Variants in SAMD5 observed in about 807,000 individuals in gnomAD.
SAMD5 encodes the protein sterile alpha motif domain-containing protein 5.
SAMD5 carries 13 observed loss-of-function variants against 11.3 expected under a neutral mutation model. That is an observed-to-expected ratio of 1.15 (90% CI 0.75 to 1.83). SAMD5 has a LOEUF of 1.83. Among genes scored for constraint, SAMD5 ranks in the 40% most tolerant of loss-of-function variants. SAMD5 has a pLI of 0.00. For missense variants in SAMD5, 255 were observed against 239.1 expected, an observed-to-expected ratio of 1.07 and a Z score of -0.44; for synonymous variants, 129 against 111.3, an observed-to-expected ratio of 1.16 and a Z score of -1.00.
intron 1 of SAMD5, among the ~76,000 whole-genome samples, chr6:147,633,028 C>A (rs1050805379): frequency 6.6e-6 from 1 of 152,152 alleles, no homozygotes; most frequent in African/African-American, 2.4e-5. Flanking sequence ...CTTGGTCAGT[C>A]AGTGTTAAGA....
the SAMD5 span, among the ~76,000 whole-genome samples, chr6:147,926,342 C>T: frequency 1.3e-5 from 2 of 152,156 alleles, no homozygotes; most frequent in Non-Finnish European, 2.9e-5. Flanking sequence ...ACCTCACCAG[C>T]ATCTGTTATT....
the SAMD5 span, among the ~76,000 whole-genome samples, chr6:147,927,352 G>C: frequency 1.3e-4 from 20 of 152,146 alleles, no homozygotes; most frequent in Non-Finnish European, 1.8e-4. Flanking sequence ...GCAGTGTTTT[G>C]TAATTCTCAT....
At chr6:147,703,062 T>G (rs963031966) in intron 1 of SAMD5, among the ~76,000 whole-genome samples, 1 of 152,074 alleles carries the variant, frequency 6.6e-6, no homozygotes, top group Non-Finnish European at 1.5e-5. Context: ...TTATACTTCG[T>G]TTTTTTGTTT....
chr6:147,864,558 G>A, the SAMD5 span, among the ~76,000 whole-genome samples: 1,018 of 152,304 alleles, frequency 6.7e-3, 9 homozygotes, highest in Non-Finnish European at 0.012. Flanking sequence ...TAGATGCCAG[G>A]AAGGAAAAGA....
chr6:147,859,514 C>G, the SAMD5 span, among the ~76,000 whole-genome samples: 1 of 152,112 alleles, frequency 6.6e-6, no homozygotes, highest in African/African-American at 2.4e-5. Flanking sequence ...GTTGGCTTTC[C>G]TTTATAAGTT....
chr6:147,929,157 T>G, the SAMD5 span, among the ~76,000 whole-genome samples: 2 of 152,320 alleles, frequency 1.3e-5, no homozygotes, highest in African/African-American at 4.8e-5. Flanking sequence ...CCAAAATACT[T>G]ACTTTGCCCA....
At position 147,508,893 on chromosome 6, in the gene SAMD5, G is replaced by A. The variant is rs1450579862; in HGVS notation, c.-36G>A. On this transcript the variant is annotated 5_prime_UTR_variant, in exon 1 of 2. Coordinates refer to ENST00000367474, the MANE Select transcript of SAMD5 (RefSeq NM_001030060.3). ...GTGCCGCCCGTGCCATTTGGGCGCT[G>A]GGAAGGTGCTCGGCGGCGGGGTTCC... 3.2e-6 allele frequency: 5 copies of A among 1,583,534 alleles called. No homozygotes were observed. In the African/African-American group the frequency reaches 5.5e-5, roughly 17 times the overall value.
chr6:147,580,592 G>T (rs2128446166), intron 1 of SAMD5, among the ~76,000 whole-genome samples: 2 of 152,354 alleles, frequency 1.3e-5, no homozygotes, highest in East Asian at 3.9e-4. Flanking sequence ...CGCTGAGCAT[G>T]TGCAATGTAG....
chr6:147,568,186 A>G lies in SAMD5; in HGVS notation c.*3730A>G. On this transcript the variant is annotated 3_prime_UTR_variant, in exon 2 of 2. Transcript: ENST00000367474. ...TCTGGGAAGAATCCAACCAAGATAC[A>G]AAGCAGATGATGGTGGATCGGCAAA... 1.0e-5 allele frequency: 10 copies of G among 985,362 alleles called. No individual in the cohort carries two copies. Among genetic ancestry groups the G allele is most frequent in the Non-Finnish European group, 1.2e-5 (10 of 829,910 alleles). The allele number at this position is 985,362 out of a possible 1,614,324, so 61.0% of individuals were successfully genotyped here. A position where few individuals can be genotyped will look rare whatever the true frequency, so the allele number is the denominator to read the frequency against.
chr6:147,845,921 A>G, the SAMD5 span, among the ~76,000 whole-genome samples: 3 of 152,334 alleles, frequency 2.0e-5, no homozygotes, highest in African/African-American at 7.2e-5. Flanking sequence ...AAAACAAAGC[A>G]TGGATGTTCA....
intron 1 of SAMD5, among the ~76,000 whole-genome samples, chr6:147,679,592 C>T (rs760911904): frequency 6.6e-6 from 1 of 151,876 alleles, no homozygotes; most frequent in Non-Finnish European, 1.5e-5. Flanking sequence ...TTATTTTTCC[C>T]AGTCTGTGGC....
At chr6:147,829,005 T>G in the SAMD5 span, among the ~76,000 whole-genome samples, 1 of 152,134 alleles carries the variant, frequency 6.6e-6, no homozygotes, top group Admixed American at 6.6e-5. Context: ...GGAGCTACGA[T>G]CAAAGTCTAA....
At chr6:147,513,141 G>A (rs1438348580) in intron 1 of SAMD5, among the ~76,000 whole-genome samples, 1 of 152,228 alleles carries the variant, frequency 6.6e-6, no homozygotes, top group Non-Finnish European at 1.5e-5. Context: ...GGAGAAAGTG[G>A]CAGGAGATGG....
the SAMD5 span, among the ~76,000 whole-genome samples, chr6:147,907,147 C>T: frequency 3.3e-5 from 5 of 152,194 alleles, no homozygotes; most frequent in Admixed American, 2.0e-4. Context: ...TCTGGAAGAA[C>T]CCAGTACTCT....
At chr6:147,653,735 C>T (rs986059646) in intron 1 of SAMD5, among the ~76,000 whole-genome samples, 9 of 152,132 alleles carry the variant, frequency 5.9e-5, no homozygotes, top group African/African-American at 2.2e-4. Context: ...CCATGCACTT[C>T]TTGGACATTT....
chr6:147,648,204 G>A (rs922258086), intron 1 of SAMD5, among the ~76,000 whole-genome samples: 3 of 152,166 alleles, frequency 2.0e-5, no homozygotes, highest in Non-Finnish European at 2.9e-5. Flanking sequence ...TCAGCATGGC[G>A]AGGGAGGCCT....
the SAMD5 span, among the ~76,000 whole-genome samples, chr6:147,943,206 T>C: frequency 3.9e-5 from 6 of 152,310 alleles, no homozygotes; most frequent in African/African-American, 1.4e-4. Flanking sequence ...TGAGAAATAC[T>C]GTATGTGCAC....
chr6:147,614,977 G>A (rs759614370), intron 1 of SAMD5, among the ~76,000 whole-genome samples: 1 of 151,736 alleles, frequency 6.6e-6, no homozygotes, highest in African/African-American at 2.4e-5. Context: ...TTATATCTAT[G>A]TTTAGATTAT....
At chr6:147,609,689 TG>T (rs1162040826) in intron 1 of SAMD5, among the ~76,000 whole-genome samples, 1 of 152,104 alleles carries the variant, frequency 6.6e-6, no homozygotes, top group Non-Finnish European at 1.5e-5. Context: ...CCTGAGTAGC[TG>T]GGATTACAGG....
Sources: gnomAD v4.1 joint callset for allele counts (sites outside exome capture counted in the v4.1 genomes callset) on GRCh38, gnomAD v4.1.1 for gene constraint, MANE v1.5 for transcripts, NCBI Gene and HGNC (gene_info 2026-07-23, HGNC 2026-07-21) for gene names.